PRELID2: variants seen among roughly 807,000 people sequenced by gnomAD.
The protein encoded by PRELID2 is PRELI domain containing 2, also known as PRELI domain-containing protein 2.
A neutral mutation model predicts 28.4 loss-of-function variants in PRELID2; 25 were observed. That is an observed-to-expected ratio of 0.88 (90% CI 0.64 to 1.23). The LOEUF is 1.23. Ranked by LOEUF, PRELID2 falls within the 50% of genes most tolerant of loss-of-function variation. The pLI is 0.00. For missense variants in PRELID2, 201 were observed against 214.4 expected, an observed-to-expected ratio of 0.94 and a Z score of 0.39; for synonymous variants, 76 against 71.6, an observed-to-expected ratio of 1.06 and a Z score of -0.31.
chr5:145,287,379 T>C, the PRELID2 span, among the ~76,000 whole-genome samples: 1 of 152,300 alleles, frequency 6.6e-6, no homozygotes, highest in East Asian at 1.9e-4. Flanking sequence ...TATTGTACTA[T>C]TCTCTCCCTT....
At chr5:145,412,642 G>T in the PRELID2 span, among the ~76,000 whole-genome samples, 1 of 152,224 alleles carries the variant, frequency 6.6e-6, no homozygotes, top group Non-Finnish European at 1.5e-5. Context: ...TCCAACCTCT[G>T]CCTGTTACCC....
intron 1 of PRELID2, among the ~76,000 whole-genome samples, chr5:145,600,890 T>A (rs1354834920): frequency 6.6e-6 from 1 of 152,152 alleles, no homozygotes; most frequent in Non-Finnish European, 1.5e-5. Context: ...GATGGCTTAT[T>A]CCTTTAATCC....
chr5:145,543,267 A>G (rs1044649059), intron 1 of PRELID2, among the ~76,000 whole-genome samples: 3 of 152,162 alleles, frequency 2.0e-5, no homozygotes, highest in Non-Finnish European at 2.9e-5. Context: ...AGTGCCTGCC[A>G]TATTGCCAGC....
chr5:145,599,359 T>G lies in PRELID2; in HGVS notation n.71-126044A>C, dbSNP rs190771595. On this transcript the variant is annotated intron_variant and non_coding_transcript_variant, in intron 1 of 2. Transcript: ENST00000510259. ...AGCAGAAAGAATAATCTTGTTGTGTTCACTAAATCCAGGCTCAACTGACCA... is the reference window on the plus strand; with the variant it reads ...AGCAGAAAGAATAATCTTGTTGTGTGCACTAAATCCAGGCTCAACTGACCA... 3.9e-4 allele frequency among the ~76,000 whole-genome samples: 59 copies of G among 152,308 alleles called. 1 individual carries two copies. In the East Asian group the frequency reaches 0.01, roughly 26 times the overall value.
chr5:145,242,736 T>A, the PRELID2 span, among the ~76,000 whole-genome samples: 2 of 152,048 alleles, frequency 1.3e-5, no homozygotes, highest in African/African-American at 4.8e-5. Flanking sequence ...GGCAGTAGGT[T>A]AAACCCTAAT....
At chr5:145,257,746 A>G in the PRELID2 span, among the ~76,000 whole-genome samples, 1 of 152,202 alleles carries the variant, frequency 6.6e-6, no homozygotes, top group Admixed American at 6.5e-5. Context: ...AAGAAAGGGC[A>G]TTTCATAACG....
At chr5:145,269,583 AT>A in the PRELID2 span, among the ~76,000 whole-genome samples, 2 of 151,990 alleles carry the variant, frequency 1.3e-5, no homozygotes, top group African/African-American at 4.8e-5. Context: ...GGTGGGCAAA[AT>A]TTTTTAAAGA....
At chr5:145,262,418 T>A in the PRELID2 span, among the ~76,000 whole-genome samples, 1 of 151,806 alleles carries the variant, frequency 6.6e-6, no homozygotes, top group South Asian at 2.1e-4. Flanking sequence ...AGAAAAAAAA[T>A]ATTTAAGAGC....
intron 1 of PRELID2, among the ~76,000 whole-genome samples, chr5:145,557,853 A>G (rs1752893944): frequency 6.6e-6 from 1 of 152,202 alleles, no homozygotes; most frequent in African/African-American, 2.4e-5. Context: ...TTTATCTACT[A>G]TAGTATGCTC....
the PRELID2 span, among the ~76,000 whole-genome samples, chr5:145,243,624 A>G: frequency 6.6e-6 from 1 of 152,026 alleles, no homozygotes; most frequent in African/African-American, 2.4e-5. Context: ...ATTCTCTTAA[A>G]AATATTTCCT....
chr5:145,614,696 C>T (rs1001247696), intron 1 of PRELID2, among the ~76,000 whole-genome samples: 56 of 152,130 alleles, frequency 3.7e-4, no homozygotes, highest in African/African-American at 1.4e-3. Context: ...AGAAACTTTG[C>T]TGAATTATTT....
At chr5:145,642,382 G>T (rs1394747008) in intron 1 of PRELID2, among the ~76,000 whole-genome samples, 23 of 152,042 alleles carry the variant, frequency 1.5e-4, no homozygotes, top group African/African-American at 5.5e-4. Flanking sequence ...TACTTGTAAA[G>T]TTATTTAAGT....
the PRELID2 span, among the ~76,000 whole-genome samples, chr5:145,272,717 T>C: frequency 6.6e-6 from 1 of 152,192 alleles, no homozygotes; most frequent in Non-Finnish European, 1.5e-5. Flanking sequence ...GTGTTTATTA[T>C]ATATTAATAA....
intron 5 of PRELID2, among the ~76,000 whole-genome samples, chr5:145,769,275 T>G (rs529767918): frequency 6.6e-6 from 1 of 152,340 alleles, no homozygotes; most frequent in East Asian, 1.9e-4. Flanking sequence ...TATTTGCCAA[T>G]GTACAGATAA....
rs1432393089 is a variant in PRELID2, at chr5:145,615,412, G to A, written n.71-142097C>T. 9.1e-5 allele frequency among the ~76,000 whole-genome samples: 11 copies of A among 120,932 alleles called. 1 individual carries two copies. Among genetic ancestry groups the A allele is most frequent in the South Asian group, 5.7e-4 (2 of 3,486 alleles). 79.3% of individuals were successfully genotyped at this position (120,932 alleles called of 152,430 possible). ...GCAATCTCGGCTCACTGCAGGCTCC[G>A]CCCCCTGGGGTTCACGCCATTCTCC... On this transcript the variant is annotated intron_variant and non_coding_transcript_variant, in intron 1 of 2. Transcript: ENST00000510259.
chr5:145,231,002 C>T, the PRELID2 span, among the ~76,000 whole-genome samples: 2 of 152,300 alleles, frequency 1.3e-5, no homozygotes, highest in East Asian at 3.9e-4. Flanking sequence ...AAACATTACA[C>T]ACTTTCACCT....
At chr5:145,387,027 T>C in the PRELID2 span, among the ~76,000 whole-genome samples, 1 of 152,206 alleles carries the variant, frequency 6.6e-6, no homozygotes, top group Non-Finnish European at 1.5e-5. Flanking sequence ...TTATTATGTA[T>C]GATTTTCCAA....
chr5:145,574,794 T>C (rs1753046742), intron 1 of PRELID2, among the ~76,000 whole-genome samples: 1 of 152,202 alleles, frequency 6.6e-6, no homozygotes, highest in Non-Finnish European at 1.5e-5. Flanking sequence ...TATCCTCCTG[T>C]ATACTATAAA....
chr5:145,423,415 C>G, the PRELID2 span, among the ~76,000 whole-genome samples: 2 of 152,154 alleles, frequency 1.3e-5, no homozygotes, highest in Non-Finnish European at 2.9e-5. Flanking sequence ...TCCCATATTT[C>G]TTGGAGGCTT....
Sources: gnomAD v4.1 joint callset for allele counts (sites outside exome capture counted in the v4.1 genomes callset) on GRCh38, gnomAD v4.1.1 for gene constraint, MANE v1.5 for transcripts, NCBI Gene and HGNC (gene_info 2026-07-23, HGNC 2026-07-21) for gene names.